ERBB4: variants seen among roughly 807,000 people sequenced by gnomAD.
ERBB4 encodes the protein erb-b2 receptor tyrosine kinase 4, also known as receptor tyrosine-protein kinase erbB-4.
In ERBB4, 42 loss-of-function variants were observed where a neutral mutation model predicts 158.0. That is an observed-to-expected ratio of 0.27 (90% CI 0.21 to 0.34). The LOEUF (loss-of-function observed/expected upper bound fraction) is 0.34, where lower values mean the gene tolerates loss of function less well. Ranked by LOEUF, ERBB4 falls within the 10% of genes least tolerant of loss-of-function variation. The pLI, the probability that ERBB4 is intolerant of heterozygous loss-of-function variation, is 1.00. For synonymous variants in ERBB4, 583 were observed against 558.7 expected (o/e 1.04, Z -0.61); for missense variants, 1,333 against 1,624.1 (o/e 0.82, Z 3.08).
chr2:212,302,059 G>A (rs561447056), intron 1 of ERBB4, among the ~76,000 whole-genome samples: 2 of 151,404 alleles, frequency 1.3e-5, no homozygotes, highest in East Asian at 3.9e-4. Context: ...AGCTAATGTG[G>A]GGTAGTTGGA....
chr2:212,161,263 G>A (rs2081195108), intron 1 of ERBB4, among the ~76,000 whole-genome samples: 1 of 151,884 alleles, frequency 6.6e-6, no homozygotes, highest in Admixed American at 6.6e-5. Context: ...GTACAAAGAA[G>A]TTTCTATGTA....
intron 20 of ERBB4, among the ~76,000 whole-genome samples, chr2:211,498,554 C>T (rs1353797412): frequency 7.2e-5 from 11 of 152,050 alleles, no homozygotes; most frequent in African/African-American, 9.7e-5. Flanking sequence ...TTGTTAAATA[C>T]ACATTATGTT....
intron 20 of ERBB4, among the ~76,000 whole-genome samples, chr2:211,514,737 A>T (rs2065979323): frequency 6.6e-6 from 1 of 152,186 alleles, no homozygotes; most frequent in Non-Finnish European, 1.5e-5. Flanking sequence ...GGGGGCAGAC[A>T]TGTTTCAGAT....
chr2:212,138,481 G>A (rs1047065459), intron 1 of ERBB4, among the ~76,000 whole-genome samples: 3 of 152,116 alleles, frequency 2.0e-5, no homozygotes, highest in African/African-American at 7.2e-5. Context: ...TTCTTGCCAT[G>A]TGATACCCTC....
At chr2:211,959,995 G>T (rs969982482) in intron 2 of ERBB4, among the ~76,000 whole-genome samples, 1 of 151,930 alleles carries the variant, frequency 6.6e-6, no homozygotes, top group Non-Finnish European at 1.5e-5. Context: ...TGTACACAGG[G>T]GTGAAGTGGA....
intron 6 of ERBB4, 139 bp from the exon 7 acceptor site, chr2:211,722,673 TG>T: frequency 1.1e-6 from 1 of 943,368 alleles, no homozygotes; most frequent in South Asian, 1.6e-5. Flanking sequence ...GAGTCATGTG[TG>T]TTTCCAAAAT....
At chr2:211,647,145 T>C (rs1054419412) in intron 16 of ERBB4, among the ~76,000 whole-genome samples, 2 of 151,652 alleles carry the variant, frequency 1.3e-5, no homozygotes, top group Non-Finnish European at 1.5e-5. Flanking sequence ...GGAGGGAGAC[T>C]TCTCTAAGAC....
At chr2:211,647,694 C>T (rs1218925389) in intron 16 of ERBB4, among the ~76,000 whole-genome samples, 1 of 151,698 alleles carries the variant, frequency 6.6e-6, no homozygotes, top group Non-Finnish European at 1.5e-5. Context: ...TCTCCATTCA[C>T]TCGAATTTCT....
chr2:211,629,804 C>T (rs1251042760), intron 17 of ERBB4, among the ~76,000 whole-genome samples: 1 of 151,986 alleles, frequency 6.6e-6, no homozygotes, highest in Non-Finnish European at 1.5e-5. Flanking sequence ...GGAAAGGATT[C>T]CCTATTTAAT....
intron 3 of ERBB4, among the ~76,000 whole-genome samples, chr2:211,833,450 T>C (rs142806898): frequency 1.3e-5 from 2 of 152,136 alleles, no homozygotes; most frequent in Non-Finnish European, 2.9e-5. Flanking sequence ...TTTGTAAATA[T>C]AAGGCATAAT....
chr2:212,393,370 A>C (rs993192877), intron 1 of ERBB4, among the ~76,000 whole-genome samples: 1 of 152,234 alleles, frequency 6.6e-6, no homozygotes, highest in South Asian at 2.1e-4. Flanking sequence ...TACATATATG[A>C]ATCAAAACCA....
chr2:212,294,893 A>C (rs2086353404), intron 1 of ERBB4, among the ~76,000 whole-genome samples: 1 of 152,086 alleles, frequency 6.6e-6, no homozygotes, highest in African/African-American at 2.4e-5. Flanking sequence ...TGGATGCATA[A>C]ATCTCATTCA....
At chr2:211,397,104 A>T (rs1449241363) in intron 25 of ERBB4, among the ~76,000 whole-genome samples, 1 of 152,160 alleles carries the variant, frequency 6.6e-6, no homozygotes, top group Non-Finnish European at 1.5e-5. Flanking sequence ...GCCAAAAAGA[A>T]TATCAGATTG....
intron 4 of ERBB4, among the ~76,000 whole-genome samples, chr2:211,760,548 A>G (rs2075384398): frequency 6.6e-6 from 1 of 152,238 alleles, no homozygotes; most frequent in African/African-American, 2.4e-5. Flanking sequence ...GTTCTGAATC[A>G]ACATTTCATG....
In ERBB4 at chr2:212,144,020, A is replaced by C. The variant is rs573572726; in HGVS notation, c.83-19117T>G. On this transcript the variant is annotated intron_variant, in intron 1 of 27. Transcript: ENST00000342788. ...GGCGACAGAGTGAGACTTCATCTCA[A>C]AAAAAAAAAAAGAAGAAACTTAATT... Among the ~76,000 whole-genome samples the C allele has an allele frequency of 7.4e-3, 996 of 135,400 alleles. 7 individuals are homozygous for C. Among genetic ancestry groups the C allele is most frequent in the Middle Eastern group, 0.025 (7 of 278 alleles). The allele number at this position is 135,400 out of a possible 152,430, so 88.8% of individuals were successfully genotyped here. A position where few individuals can be genotyped will look rare whatever the true frequency, so the allele number is the denominator to read the frequency against.
chr2:211,924,991 T>C (rs1456523546), intron 3 of ERBB4, among the ~76,000 whole-genome samples: 4 of 152,056 alleles, frequency 2.6e-5, no homozygotes, highest in African/African-American at 9.7e-5. Context: ...CTCCAGAGGG[T>C]GGTTAAAGAA....
chr2:211,809,845 C>T (rs2076708316), intron 3 of ERBB4, among the ~76,000 whole-genome samples: 1 of 152,182 alleles, frequency 6.6e-6, no homozygotes, highest in Non-Finnish European at 1.5e-5. Context: ...AAATTTTCCT[C>T]TACACACTGC....
chr2:211,795,343 G>A (rs2076361298), intron 3 of ERBB4, among the ~76,000 whole-genome samples: 1 of 151,630 alleles, frequency 6.6e-6, no homozygotes, highest in Non-Finnish European at 1.5e-5. Context: ...ATTCTGTGAT[G>A]GGTTTATTGT....
chr2:212,166,495 A>C (rs1575734516), intron 1 of ERBB4, among the ~76,000 whole-genome samples: 1 of 152,080 alleles, frequency 6.6e-6, no homozygotes, highest in African/African-American at 2.4e-5. Flanking sequence ...CGGTCTCATG[A>C]AAATGGTTAT....
Sources: allele counts gnomAD v4.1 joint callset (sites outside exome capture counted in the v4.1 genomes callset), GRCh38; gene constraint gnomAD v4.1.1; transcripts MANE v1.5; gene names NCBI Gene and HGNC (gene_info 2026-07-23, HGNC 2026-07-21).